NALF1: variants seen among roughly 807,000 people sequenced by gnomAD.
NALF1 encodes the protein NALCN channel auxiliary factor 1.
Under a neutral mutation model 48.4 loss-of-function variants are expected in NALF1, and 3 were observed. The observed-to-expected ratio is 0.06, with a 90% CI of 0.03 to 0.16. The LOEUF is 0.16. Ranked by LOEUF, NALF1 falls within the 10% of genes least tolerant of loss-of-function variation. NALF1 has a pLI of 1.00. For synonymous variants in NALF1, 262 were observed against 245.7 expected (o/e 1.07, Z -0.62); for missense variants, 526 against 571.5 (o/e 0.92, Z 0.81).
intron 1 of NALF1, among the ~76,000 whole-genome samples, chr13:107,664,917 TCAACTGTTG>T (rs1405212654): frequency 6.6e-6 from 1 of 152,030 alleles, no homozygotes; most frequent in African/African-American, 2.4e-5. Context: ...CTCTTTGGTT[TCAACTGTTG>T]ATCATACAAA....
At chr13:107,575,858 T>A (rs1309263278) in intron 1 of NALF1, among the ~76,000 whole-genome samples, 23 of 152,032 alleles carry the variant, frequency 1.5e-4, no homozygotes, top group Admixed American at 1.5e-3. Context: ...GAACACAGTC[T>A]GGGTATAAAA....
intron 1 of NALF1, among the ~76,000 whole-genome samples, chr13:107,306,962 A>C (rs1043978091): frequency 1.3e-5 from 2 of 152,214 alleles, no homozygotes; most frequent in Non-Finnish European, 2.9e-5. Context: ...TGTCTCAAAA[A>C]AAACAAACAA....
intron 1 of NALF1, among the ~76,000 whole-genome samples, chr13:107,686,362 G>A (rs1296885997): frequency 1.4e-5 from 2 of 145,034 alleles, no homozygotes; most frequent in Admixed American, 1.4e-4. Context: ...TTAGAAAATA[G>A]GTCACATTAT....
intron 1 of NALF1, among the ~76,000 whole-genome samples, chr13:107,483,663 C>G (rs114496826): frequency 6.6e-6 from 1 of 151,980 alleles, no homozygotes; most frequent in Non-Finnish European, 1.5e-5. Context: ...ACCACTGACT[C>G]TTATTAGATG....
chr13:107,201,238 T>C (rs7999613), intron 2 of NALF1, among the ~76,000 whole-genome samples: 6,846 of 152,200 alleles, frequency 0.045, 530 homozygotes, highest in African/African-American at 0.16. Context: ...TCTCTCAATG[T>C]ATAGGCACAT....
In NALF1 at chr13:107,482,043, T is replaced by C. The variant is rs187137632; in HGVS notation, c.916-271288A>G. 5.1e-3 allele frequency among the ~76,000 whole-genome samples: 771 copies of C among 152,244 alleles called. 9 individuals carry two copies. Among genetic ancestry groups the C allele is most frequent in the South Asian group, 5.6e-3 (27 of 4,820 alleles). On this transcript the variant is annotated intron_variant, in intron 1 of 2. Coordinates refer to ENST00000375915, the MANE Select transcript of NALF1 (RefSeq NM_001080396.3). ...ACCCAGAGAGTTGGTCAAACACCTA[T>C]CTAGATGTCACTGTGAAAGTATTTT...
At chr13:107,515,159 G>A (rs1876017560) in intron 1 of NALF1, among the ~76,000 whole-genome samples, 1 of 152,154 alleles carries the variant, frequency 6.6e-6, no homozygotes, top group Admixed American at 6.5e-5. Flanking sequence ...AAAGTGCAGT[G>A]TAATCACTAT....
At chr13:107,544,966 C>G (rs1447059782) in intron 1 of NALF1, among the ~76,000 whole-genome samples, 1 of 152,120 alleles carries the variant, frequency 6.6e-6, no homozygotes, top group African/African-American at 2.4e-5. Flanking sequence ...AATAAACATA[C>G]AGTGACACAC....
intron 1 of NALF1, among the ~76,000 whole-genome samples, chr13:107,787,749 C>G (rs1215209500): frequency 6.6e-6 from 1 of 151,740 alleles, no homozygotes; most frequent in East Asian, 1.9e-4. Flanking sequence ...ACATCTGTCT[C>G]ATAGAAAATA....
chr13:107,614,694 T>C (rs1879331110), intron 1 of NALF1, among the ~76,000 whole-genome samples: 2 of 152,282 alleles, frequency 1.3e-5, no homozygotes, highest in South Asian at 4.1e-4. Flanking sequence ...TACTCTGAAA[T>C]ATTGAAATGC....
chr13:107,279,499 G>T (rs1881346639), intron 1 of NALF1, among the ~76,000 whole-genome samples: 1 of 152,050 alleles, frequency 6.6e-6, no homozygotes, highest in Non-Finnish European at 1.5e-5. Flanking sequence ...CAGATGATCT[G>T]CTCGCCTCAG....
At chr13:107,788,220 G>T (rs1367778969) in intron 1 of NALF1, 1 of 151,936 alleles carries the variant, frequency 6.6e-6, no homozygotes, top group Non-Finnish European at 1.5e-5. Flanking sequence ...TTTTCAACTG[G>T]ATCATTGTAA....
chr13:107,745,653 C>T (rs924081040), intron 1 of NALF1, among the ~76,000 whole-genome samples: 12 of 152,138 alleles, frequency 7.9e-5, no homozygotes, highest in African/African-American at 2.9e-4. Flanking sequence ...TTGTTTATTA[C>T]TGCCAGCAAG....
chr13:107,586,961 G>A (rs1878478956), intron 1 of NALF1, among the ~76,000 whole-genome samples: 1 of 151,998 alleles, frequency 6.6e-6, no homozygotes, highest in Non-Finnish European at 1.5e-5. Context: ...TGCATTAGTA[G>A]ATTGATTAGA....
chr13:107,181,205 CTTTA>C (rs1033453318), intron 2 of NALF1, among the ~76,000 whole-genome samples: 2 of 151,436 alleles, frequency 1.3e-5, no homozygotes, highest in Non-Finnish European at 1.5e-5. Context: ...GAATTGGTAT[CTTTA>C]TTTATGTGAA....
intron 1 of NALF1, among the ~76,000 whole-genome samples, chr13:107,293,333 T>C (rs982766484): frequency 6.6e-6 from 1 of 152,190 alleles, no homozygotes; most frequent in Admixed American, 6.5e-5. Flanking sequence ...CATTGTTGAC[T>C]GAAATGTTGT....
Position 107,651,203 on chromosome 13 carries a change from C to T in NALF1, c.915+214479G>A, listed in dbSNP as rs370277860. ...GAGAGAGTAAGACCTTGCTGAGAGC[C>T]ACATGGTACATAACCTCTGGCCTTT... On this transcript the variant is annotated intron_variant, in intron 1 of 2. Coordinates refer to ENST00000375915, the MANE Select transcript of NALF1 (RefSeq NM_001080396.3). Among the ~76,000 whole-genome samples, 11 of 152,160 alleles carry T rather than the reference C, an allele frequency of 7.2e-5. No homozygotes were observed. The East Asian group carries it at 9.6e-4, about 13-fold the overall frequency.
In NALF1 at chr13:107,667,701, AC is replaced by A. The variant is rs1256831265; in HGVS notation, c.915+197980del. Among the ~76,000 whole-genome samples, 9 of 152,150 alleles carry A rather than the reference AC, an allele frequency of 5.9e-5. No individual in the cohort carries two copies. The East Asian group carries it at 1.2e-3, about 20-fold the overall frequency. On this transcript the variant is annotated intron_variant, in intron 1 of 2. Transcript: ENST00000375915. The stretch of plus-strand genomic sequence containing the variant: ...TCTTCTAATTTGCTTCTAGAAAAAA[AC>A]GAATGCCATCCATTATAAACAAAGT...
chr13:107,776,694 A>T (rs1257524792), intron 1 of NALF1, among the ~76,000 whole-genome samples: 1 of 152,254 alleles, frequency 6.6e-6, no homozygotes, highest in African/African-American at 2.4e-5. Context: ...AGATTTTAGG[A>T]TGTACAAAAA....
Sources: gnomAD v4.1 joint callset for allele counts (sites outside exome capture counted in the v4.1 genomes callset) on GRCh38, gnomAD v4.1.1 for gene constraint, MANE v1.5 for transcripts, NCBI Gene and HGNC (gene_info 2026-07-23, HGNC 2026-07-21) for gene names.